GSTCD: variants seen among roughly 807,000 people sequenced by gnomAD.
The protein encoded by GSTCD is glutathione S-transferase C-terminal domain-containing protein.
Under a neutral mutation model 68.3 loss-of-function variants are expected in GSTCD, and 44 were observed. The observed-to-expected ratio is 0.64, with a 90% CI of 0.51 to 0.83. GSTCD has a LOEUF of 0.83. Among genes scored for constraint, GSTCD ranks in the 40% least tolerant of loss-of-function variants. The pLI, the probability that GSTCD is intolerant of heterozygous loss-of-function variation, is 0.00. For missense variants in GSTCD, 739 were observed against 735.9 expected, an observed-to-expected ratio of 1.00 and a Z score of -0.05; for synonymous variants, 273 against 255.2, an observed-to-expected ratio of 1.07 and a Z score of -0.67.
At chr4:105,805,536 G>GT (rs1230040677) in intron 5 of GSTCD, among the ~76,000 whole-genome samples, 2 of 151,890 alleles carry the variant, frequency 1.3e-5, no homozygotes, top group African/African-American at 4.8e-5. Context: ...GGTTTTTATT[G>GT]TTTTTTAACA....
At chr4:105,730,425 G>C (rs1021176665) in intron 5 of GSTCD, among the ~76,000 whole-genome samples, 3 of 152,142 alleles carry the variant, frequency 2.0e-5, no homozygotes, top group Non-Finnish European at 4.4e-5. Context: ...ACTTTTTAAT[G>C]ATCACCATTC....
chr4:105,723,722 A>T (rs1732943681), intron 3 of GSTCD, among the ~76,000 whole-genome samples: 1 of 151,664 alleles, frequency 6.6e-6, no homozygotes, highest in South Asian at 2.1e-4. Flanking sequence ...ATATGTAAAA[A>T]AATATATAAA....
chr4:105,712,583 G>A (rs1732569826), intron 1 of GSTCD: 1 of 152,178 alleles, frequency 6.6e-6, no homozygotes, highest in African/African-American at 2.4e-5. Context: ...CCCTGTTGTT[G>A]GAGAATGGAC....
intron 5 of GSTCD, among the ~76,000 whole-genome samples, chr4:105,813,956 T>G (rs1004957619): frequency 6.6e-6 from 1 of 152,208 alleles, no homozygotes; most frequent in Non-Finnish European, 1.5e-5. Context: ...CTCCATTGTT[T>G]CCAGCACCTT....
intron 5 of GSTCD, among the ~76,000 whole-genome samples, chr4:105,796,183 C>A (rs988348772): frequency 6.6e-6 from 1 of 152,184 alleles, no homozygotes; most frequent in African/African-American, 2.4e-5. Context: ...TCGTGTCTTA[C>A]ATGGATAGCA....
At chr4:105,709,474 C>G (rs190427459) in intron 1 of GSTCD, among the ~76,000 whole-genome samples, 1 of 152,186 alleles carries the variant, frequency 6.6e-6, no homozygotes, top group African/African-American at 2.4e-5. Flanking sequence ...TTAACATTTA[C>G]TCCAAAGGAC....
chr4:105,746,594 AC>A (rs2149223310), intron 5 of GSTCD, among the ~76,000 whole-genome samples: 1 of 92,778 alleles, frequency 1.1e-5, no homozygotes, highest in Non-Finnish European at 2.5e-5. Flanking sequence ...TGTGTAGATC[AC>A]TGATTGAATT....
intron 5 of GSTCD, among the ~76,000 whole-genome samples, chr4:105,802,224 G>A (rs1246374822): frequency 6.6e-6 from 1 of 152,032 alleles, no homozygotes; most frequent in Non-Finnish European, 1.5e-5. Context: ...ACTTGAATAT[G>A]TTTCTACTGC....
chr4:105,833,682 T>C (rs1224006970), intron 8 of GSTCD, among the ~76,000 whole-genome samples: 1 of 152,104 alleles, frequency 6.6e-6, no homozygotes, highest in East Asian at 1.9e-4. Flanking sequence ...TCACTGAGAG[T>C]CCTATTTAGG....
intron 5 of GSTCD, among the ~76,000 whole-genome samples, chr4:105,793,375 TG>T (rs1272295263): frequency 6.6e-6 from 1 of 151,772 alleles, no homozygotes; most frequent in African/African-American, 2.4e-5. Flanking sequence ...AAGAAATTAT[TG>T]CTAATTTTTT....
intron 9 of GSTCD, among the ~76,000 whole-genome samples, chr4:105,835,947 G>T (rs1335170781): frequency 6.6e-6 from 1 of 152,150 alleles, no homozygotes; most frequent in Non-Finnish European, 1.5e-5. Context: ...CTCTCCATAG[G>T]CAGGTCATCC....
intron 10 of GSTCD, among the ~76,000 whole-genome samples, chr4:105,839,636 G>T (rs191818804): frequency 6.6e-5 from 10 of 151,994 alleles, no homozygotes; most frequent in Admixed American, 6.6e-4. Context: ...GTGATACTCT[G>T]TCTCAAGAAA....
At chr4:105,827,620 T>C (rs1723698326) in intron 8 of GSTCD, among the ~76,000 whole-genome samples, 1 of 152,144 alleles carries the variant, frequency 6.6e-6, no homozygotes, top group African/African-American at 2.4e-5. Context: ...TTCTAACTCC[T>C]GTGTTAAATG....
chr4:105,782,421 G>A (rs1332009533), intron 5 of GSTCD, among the ~76,000 whole-genome samples: 3 of 152,172 alleles, frequency 2.0e-5, no homozygotes, highest in East Asian at 3.9e-4. Flanking sequence ...GAGCCCAAGA[G>A]GTTGTGGCTG....
chr4:105,755,575 G>T (rs1163115481), intron 5 of GSTCD, among the ~76,000 whole-genome samples: 1 of 152,144 alleles, frequency 6.6e-6, no homozygotes, highest in Non-Finnish European at 1.5e-5. Context: ...GACATCATCT[G>T]CCTGGAGATA....
chr4:105,717,476 A>C (rs1732714725), intron 1 of GSTCD, 117 bp from the exon 2 acceptor site: 3 of 661,188 alleles, frequency 4.5e-6, no homozygotes, highest in Non-Finnish European at 7.5e-6. Flanking sequence ...TTATAGCATT[A>C]TTATCTACTG....
intron 5 of GSTCD, chr4:105,761,618 C>G (rs1029470945): frequency 6.6e-6 from 1 of 152,122 alleles, no homozygotes; most frequent in African/African-American, 2.4e-5. Flanking sequence ...GCATTTTTTA[C>G]TGACTCCTCC....
intron 5 of GSTCD, chr4:105,821,007 TAAG>T (rs983863642): frequency 1.9e-4 from 29 of 151,888 alleles, no homozygotes; most frequent in African/African-American, 5.6e-4. Flanking sequence ...AAGGAACTGT[TAAG>T]AAATCTACAA....
At chr4:105,729,535 T>A in intron 5 of GSTCD, 36 bp downstream of exon 5, 1 of 1,366,398 alleles carries the variant, frequency 7.3e-7, no homozygotes, top group Non-Finnish European at 1.0e-6. Context: ...TTATTCATAC[T>A]TTGGATACTG....
Sources: allele counts gnomAD v4.1 joint callset (sites outside exome capture counted in the v4.1 genomes callset), GRCh38; gene constraint gnomAD v4.1.1; transcripts MANE v1.5; gene names NCBI Gene and HGNC (gene_info 2026-07-23, HGNC 2026-07-21).